The following CERS1 variants were observed in gnomAD, a reference collection of about 807,000 sequenced individuals.
CERS1 encodes Embryonic growth/differentiation factor 1.
CERS1 carries 16 observed loss-of-function variants against 35.7 expected under a neutral mutation model. The ratio of observed to expected loss-of-function variants is 0.45; its 90% CI spans 0.30 to 0.68. The LOEUF is 0.68. Ranked by LOEUF, CERS1 falls within the 30% of genes least tolerant of loss-of-function variation. The pLI, the probability that CERS1 is intolerant of heterozygous loss-of-function variation, is 0.08. For missense variants in CERS1, 454 were observed against 453.9 expected, an observed-to-expected ratio of 1.00 and a Z score of 0.00; for synonymous variants, 243 against 201.6, an observed-to-expected ratio of 1.21 and a Z score of -1.74.
rs868026629 is a variant in CERS1 at position 18,869,120 on chromosome 19, A to G, written c.*865T>C. The stretch of plus-strand genomic sequence containing the variant: ...GGCGTTGCGAGCCCAAGCGGCGCCC[A>G]GCAGCTCCGCGCGCACTGGCGGCCC... On this transcript the variant is annotated 3_prime_UTR_variant, in exon 8 of 8. Transcript: ENST00000623882. 6 of 1,090,704 alleles carry G rather than the reference A, an allele frequency of 5.5e-6. No homozygotes were observed. Among genetic ancestry groups the G allele is most frequent in the Middle Eastern group, 8.3e-4 (2 of 2,416 alleles). 67.6% of individuals were successfully genotyped at this position (1,090,704 alleles called of 1,614,324 possible). A position where few individuals can be genotyped will look rare whatever the true frequency, so the allele number is the denominator to read the frequency against.
intron 6 of CERS1, among the ~76,000 whole-genome samples, chr19:18,877,054 C>T (rs753624481): frequency 2.6e-5 from 4 of 152,198 alleles, no homozygotes; most frequent in African/African-American, 4.8e-5. Flanking sequence ...TGACTGCCTT[C>T]GTCCCATCCT....
At chr19:18,887,761 A>C (rs189744183) in intron 2 of CERS1, among the ~76,000 whole-genome samples, 1 of 151,790 alleles carries the variant, frequency 6.6e-6, no homozygotes, top group Non-Finnish European at 1.5e-5. Flanking sequence ...AAAAAAAAAA[A>C]ATTGTGTTAA....
chr19:18,888,519 TAA>T (rs781426705), intron 2 of CERS1, among the ~76,000 whole-genome samples: 661 of 59,014 alleles, frequency 0.011, 3 homozygotes, highest in Middle Eastern at 0.014. Flanking sequence ...CCCTGTCTCT[TAA>T]AAAAAAAAAA....
Position 18,869,019 on chromosome 19 carries a change from C to T in CERS1, c.*966G>A. The T allele has an allele frequency of 9.2e-7, 1 of 1,086,994 alleles. No homozygotes were observed. Among genetic ancestry groups the T allele is most frequent in the Non-Finnish European group, 1.1e-6 (1 of 896,158 alleles). The allele number at this position is 1,086,994 out of a possible 1,614,324, so 67.3% of individuals were successfully genotyped here. On this transcript the variant is annotated 3_prime_UTR_variant, in exon 8 of 8. Coordinates refer to ENST00000623882, the MANE Select transcript of CERS1 (RefSeq NM_021267.5). ...TCGAGGGTCACCAGCAGCAGCGAGGCCTCGGCCAGGCGCGCGCAGGCGGCA... is the reference window on the plus strand; with the variant it reads ...TCGAGGGTCACCAGCAGCAGCGAGGTCTCGGCCAGGCGCGCGCAGGCGGCA...
Position 18,893,579 on chromosome 19 carries a change from T to TG in CERS1, c.250-5dup. The TG allele has an allele frequency of 6.2e-7, 1 of 1,605,806 alleles. No individual in the cohort carries two copies. The highest frequency in any genetic ancestry group is 8.5e-7 in the Non-Finnish European group (1 of 1,177,136). Reference sequence around the variant, plus strand: ...GGCAGCACCGCTTCGCCAGGGGCTATGGGGGAGAAGACAGGCGGGCAGCCA... The same window carrying TG: ...GGCAGCACCGCTTCGCCAGGGGCTATGGGGGGAGAAGACAGGCGGGCAGCCA... On this transcript the variant is annotated splice_polypyrimidine_tract_variant and splice_region_variant and intron_variant, in intron 1 of 7. Transcript: ENST00000623882.
At position 18,882,541 on chromosome 19, in the gene CERS1, G is replaced by A. The variant is rs114373289; in HGVS notation, c.590+1546C>T. 7.4e-3 allele frequency among the ~76,000 whole-genome samples: 1,124 copies of A among 151,766 alleles called. 15 individuals are homozygous for A. Among genetic ancestry groups the A allele is most frequent in the African/African-American group, 0.026 (1,075 of 41,422 alleles). On this transcript the variant is annotated intron_variant, in intron 3 of 7. Transcript: ENST00000623882. Reference sequence around the variant, plus strand: ...CAGCTACTTGGGAGGCTGAGGCGAGGCGGGAGGATTGCTTGAACCTGGGAG... The same window carrying A: ...CAGCTACTTGGGAGGCTGAGGCGAGACGGGAGGATTGCTTGAACCTGGGAG...
intron 6 of CERS1, among the ~76,000 whole-genome samples, chr19:18,876,953 C>T (rs554000559): frequency 6.6e-6 from 1 of 152,286 alleles, no homozygotes; most frequent in African/African-American, 2.4e-5. Flanking sequence ...CTCCTCTGAC[C>T]CTGGATTGTT....
Position 18,880,260 on chromosome 19 carries a change from T to C in CERS1, c.752+14A>G. On this transcript the variant is annotated intron_variant, in intron 4 of 7. Transcript: ENST00000623882. ...CCACACCTCCCTCCCTGCCCAGCAC[T>C]CCCTACCACTCACCAGCTGAAGCCG... 1 of 1,538,466 alleles carries C rather than the reference T, an allele frequency of 6.5e-7. No homozygotes were observed. The highest frequency in any genetic ancestry group is 8.8e-7 in the Non-Finnish European group (1 of 1,139,436).
Position 18,879,058 on chromosome 19 carries a change from G to A in CERS1, c.901-19C>T. On this transcript the variant is annotated intron_variant, in intron 5 of 7. Transcript: ENST00000623882. Reference sequence around the variant, plus strand: ...CGATGTACTGCGAGAGGGGAGGGGAGGTGCCAGTGAGAAGAAAGCCCCCAC... The same window carrying A: ...CGATGTACTGCGAGAGGGGAGGGGAAGTGCCAGTGAGAAGAAAGCCCCCAC... The A allele has an allele frequency of 6.2e-7, 1 of 1,611,772 alleles. No homozygotes were observed. The highest frequency in any genetic ancestry group is 2.2e-5 in the East Asian group (1 of 44,844).
intron 6 of CERS1, among the ~76,000 whole-genome samples, chr19:18,871,094 CT>C (rs760333836): frequency 2.5e-3 from 368 of 144,764 alleles, no homozygotes; most frequent in Middle Eastern, 3.5e-3. Context: ...TTTTATTTTC[CT>C]TTTTTTTTTT....
rs549936379 is a variant in CERS1 at position 18,871,636 on chromosome 19, C to T, written c.1011-1017G>A. 5.3e-5 allele frequency among the ~76,000 whole-genome samples: 8 copies of T among 152,266 alleles called. No individual in the cohort carries two copies. In the South Asian group the frequency reaches 6.2e-4, roughly 12 times the overall value. On this transcript the variant is annotated intron_variant, in intron 6 of 7. Transcript: ENST00000623882. ...TGGGCTCAAGCAGTCAGCCCTCCTC[C>T]GCCTCCCAAAGGGCTTCTGTCACTT... is the stretch of plus-strand genomic sequence containing the variant.
intron 6 of CERS1, among the ~76,000 whole-genome samples, chr19:18,871,928 G>C (rs1206054581): frequency 6.6e-6 from 1 of 152,200 alleles, no homozygotes; most frequent in African/African-American, 2.4e-5. Flanking sequence ...GATGACTCCA[G>C]GGATTCCATT....
chr19:18,868,936 G>A lies in CERS1; in HGVS notation c.*1049C>T, dbSNP rs886042202. 11 of 1,285,274 alleles carry A rather than the reference G, an allele frequency of 8.6e-6. No individual in the cohort carries two copies. The highest frequency in any genetic ancestry group is 3.9e-5 in the Admixed American group (1 of 25,674). The allele number at this position is 1,285,274 out of a possible 1,614,324, so 79.6% of individuals were successfully genotyped here. On this transcript the variant is annotated 3_prime_UTR_variant, in exon 8 of 8. Coordinates refer to ENST00000623882, the MANE Select transcript of CERS1 (RefSeq NM_021267.5). ...CGCGACAAGCGCCCCCGGGGCCGCC[G>A]CCCAACACGGGTTCGGCGTCGCGCC...
At chr19:18,874,147 C>T (rs2056022090) in intron 6 of CERS1, among the ~76,000 whole-genome samples, 2 of 152,308 alleles carry the variant, frequency 1.3e-5, no homozygotes, top group African/African-American at 2.4e-5. Context: ...GTAGCAGCAG[C>T]TGGACATCCT....
Position 18,879,364 on chromosome 19 carries a change from G to A in CERS1, c.777C>T (p.Phe259=). ...FSWFWFRLYW[F]PLKVLYATSH... ...TGGTGGCATACAGGACCTTGAGCGG[G>A]AACCAGTAGAGGCGGAACCAGAACC... Residue 259 remains phenylalanine (F), a synonymous_variant, in exon 5 of 8, where the codon TTC becomes TTT. Coordinates refer to ENST00000623882, the MANE Select transcript of CERS1 (RefSeq NM_021267.5). 1 of 1,581,164 alleles carries A rather than the reference G, an allele frequency of 6.3e-7. No individual in the cohort carries two copies. Among genetic ancestry groups the A allele is most frequent in the Non-Finnish European group, 8.6e-7 (1 of 1,164,080 alleles).
intron 5 of CERS1, 79 bp downstream of exon 5, chr19:18,879,162 C>T (rs1278714073): frequency 6.3e-7 from 1 of 1,599,348 alleles, no homozygotes; most frequent in East Asian, 2.2e-5. Flanking sequence ...GTGCCCCTCC[C>T]CGGGACTGCC....
intron 4 of CERS1, 44 bp from the exon 5 acceptor site, chr19:18,879,432 T>C (rs749372713): frequency 6.5e-6 from 10 of 1,545,590 alleles, no homozygotes; most frequent in Non-Finnish European, 7.9e-6. Flanking sequence ...AGGGGGACGG[T>C]GCCCTACCCA....
In CERS1 at chr19:18,893,518, C is replaced by T. The variant is rs755528875; in HGVS notation, c.307G>A (p.Ala103Thr). The T allele has an allele frequency of 6.2e-6, 10 of 1,610,548 alleles. No homozygotes were observed. The East Asian group carries it at 6.7e-5, about 11-fold the overall frequency. ...CCCAGGTAGAAGAGAAACTTCCAAGCGCTCTCGGGCATCTTGGCGGCATCT... is the reference window on the plus strand; with the variant it reads ...CCCAGGTAGAAGAGAAACTTCCAAGTGCTCTCGGGCATCTTGGCGGCATCT... The part of the protein sequence containing the change: ...PRDAAKMPES[A>T]WKFLFYLGSW... Residue 103 changes from alanine to threonine, a missense_variant, in exon 2 of 8, where the codon GCT (alanine) becomes ACT (threonine). Physicochemically the swap from Ala to Thr is moderately conservative, Grantham distance 58. Transcript: ENST00000623882.
intron 6 of CERS1, among the ~76,000 whole-genome samples, chr19:18,873,377 G>C (rs569774473): frequency 6.6e-6 from 1 of 152,104 alleles, no homozygotes; most frequent in Non-Finnish European, 1.5e-5. Context: ...AGGCCAGAGA[G>C]ACAGAGCAGG....
Sources: gnomAD v4.1 joint callset for allele counts (sites outside exome capture counted in the v4.1 genomes callset) on GRCh38, gnomAD v4.1.1 for gene constraint, MANE v1.5 for transcripts, NCBI Gene and HGNC (gene_info 2026-07-23, HGNC 2026-07-21) for gene names.